BCL9L: variants seen among roughly 807,000 people sequenced by gnomAD.
The protein encoded by BCL9L is B-cell CLL/lymphoma 9-like protein.
BCL9L carries 19 observed loss-of-function variants against 99.4 expected under a neutral mutation model. That is an observed-to-expected ratio of 0.19 (90% confidence interval 0.13 to 0.28). The LOEUF is 0.28. Among genes scored for constraint, BCL9L ranks in the 10% least tolerant of loss-of-function variants. The pLI is 1.00. For synonymous variants in BCL9L, 900 were observed against 854.8 expected (o/e 1.05, Z -0.92); for missense variants, 2,023 against 2,101.6 (o/e 0.96, Z 0.73).
rs1168712056 is a variant in BCL9L, at chr11:118,901,304, A to G, written c.2439T>C (p.Ser813=). 1.2e-6 allele frequency: 2 copies of G among 1,613,658 alleles called. No homozygotes were observed. The highest frequency in any genetic ancestry group is 1.7e-6 in the Non-Finnish European group (2 of 1,179,882). The stretch of plus-strand genomic sequence containing the variant: ...CCCGAACCCGGGCCATCTCCTCAGG[A>G]CTGAGGCCCTGGGGCCCCATCAAGT... ...PGDLMGPQGL[S]PEEMARVRAQ... is the part of the protein sequence containing the mutation. The change falls in exon 8 of 10, where the codon AGT becomes AGC. Residue 813 remains serine, a synonymous_variant. Coordinates refer to ENST00000683865, the MANE Select transcript of BCL9L (RefSeq NM_001378213.1). This position sits in a 1 kb window ranked among gnomAD's most constrained non-coding sequence, Gnocchi z 6.6.
chr11:118,923,200 C>T (rs1252919108), intron 1 of BCL9L, among the ~76,000 whole-genome samples: 2 of 152,174 alleles, frequency 1.3e-5, no homozygotes, highest in East Asian at 3.9e-4. Flanking sequence ...ATCGCAGTCA[C>T]TCCCCTGATA....
rs2137721580 is a variant in BCL9L at position 118,908,409 on chromosome 11, G to A, written c.273C>T (p.Asn91=). 3 of 1,614,070 alleles carry A rather than the reference G, an allele frequency of 1.9e-6. No homozygotes were observed. The highest frequency in any genetic ancestry group is 4.5e-5 in the East Asian group (2 of 44,872). ...GAKANQISPS[N]SSLKNPQAGV... ...CTGCCTGGGGGTTCTTCAGACTTGA[G>A]TTGCTAGGCGAGATCTGGTTGGCCT... The change falls in exon 4 of 10, where the codon AAC becomes AAT. Residue 91 remains asparagine, a synonymous_variant. Transcript: ENST00000683865.
In BCL9L at chr11:118,903,897, T is replaced by C. The variant is rs1303805982; in HGVS notation, c.533-445A>G. ...ACTGGGTAAGTGTATGTGCACACAG[T>C]CTAGTGACCCAGTTAGGGAGAAGGC... is the stretch of plus-strand genomic sequence containing the variant. On this transcript the variant is annotated intron_variant, in intron 5 of 9. Transcript: ENST00000683865. This position sits in a 1 kb window ranked among gnomAD's most constrained non-coding sequence, Gnocchi z 5.6. 6.6e-6 allele frequency among the ~76,000 whole-genome samples: 1 copy of C among 152,144 alleles called. No homozygotes were observed. The highest frequency in any genetic ancestry group is 2.4e-5 in the African/African-American group (1 of 41,426).
In BCL9L at chr11:118,901,303, G is replaced by A; in HGVS notation, c.2440C>T (p.Pro814Ser). The change falls in exon 8 of 10, where the codon CCT (proline) becomes TCT (serine). Residue 814 changes from proline (P) to serine (S), a missense_variant. Pro to Ser is a moderately conservative substitution (Grantham distance 74). Transcript: ENST00000683865. The surrounding 1 kb of genome is among the most constrained non-coding windows in gnomAD (Gnocchi z 6.6). ...GDLMGPQGLS[P>S]EEMARVRAQN... ...GCCCGAACCCGGGCCATCTCCTCAGGACTGAGGCCCTGGGGCCCCATCAAG... is the reference window on the plus strand; with the variant it reads ...GCCCGAACCCGGGCCATCTCCTCAGAACTGAGGCCCTGGGGCCCCATCAAG... 1.2e-6 allele frequency: 2 copies of A among 1,613,854 alleles called. No individual in the cohort carries two copies. Among genetic ancestry groups the A allele is most frequent in the Non-Finnish European group, 1.7e-6 (2 of 1,179,972 alleles).
chr11:118,899,209 G>A lies in BCL9L; in HGVS notation c.3706C>T (p.His1236Tyr). Reference protein sequence around the residue: ...MPFPPRLQQPHGAMAPTGGGG... With the variant: ...MPFPPRLQQPYGAMAPTGGGG... ...CCCCCAGTGGGGGCCATGGCACCAT[G>A]GGGCTGCTGCAGCCGAGGGGGGAAG... is the stretch of plus-strand genomic sequence containing the variant. The change falls in exon 10 of 10, where the codon CAT (histidine) becomes TAT (tyrosine). Residue 1236 changes from histidine (H) to tyrosine (Y), a missense_variant. His to Tyr is a moderately conservative substitution (Grantham distance 83, BLOSUM62 2). This residue lies in a region of BCL9L where 902 missense variants were observed against 888.2 expected (regional missense o/e 1.02). Coordinates refer to ENST00000683865, the MANE Select transcript of BCL9L (RefSeq NM_001378213.1). The A allele has an allele frequency of 6.7e-7, 1 of 1,500,002 alleles. No homozygotes were observed. Among genetic ancestry groups the A allele is most frequent in the Non-Finnish European group, 8.9e-7 (1 of 1,125,002 alleles). The allele number at this position is 1,500,002 out of a possible 1,614,324, so 92.9% of individuals were successfully genotyped here.
chr11:118,898,718 C>A lies in BCL9L; in HGVS notation c.4197G>T (p.Leu1399Phe). The change falls in exon 10 of 10, where the codon TTG becomes TTT. Residue 1399 changes from leucine to phenylalanine, a missense_variant. Leu to Phe is a conservative substitution (Grantham distance 22). This residue lies in a region of BCL9L where 902 missense variants were observed against 888.2 expected (regional missense o/e 1.02). Coordinates refer to ENST00000683865, the MANE Select transcript of BCL9L (RefSeq NM_001378213.1). ...MSMCHPGQMS[L>F]LGRTGVPPQQ... ...GTGGGGGCACGCCTGTCCTGCCCAG[C>A]AAGGACATCTGTCCAGGGTGGCACA... 4.3e-6 allele frequency: 7 copies of A among 1,612,824 alleles called. No individual in the cohort carries two copies. Among genetic ancestry groups the A allele is most frequent in the Non-Finnish European group, 5.9e-6 (7 of 1,179,630 alleles).
At chr11:118,919,126 A>G (rs1233264471) in intron 1 of BCL9L, among the ~76,000 whole-genome samples, 1 of 14,418 alleles carries the variant, frequency 6.9e-5, no homozygotes, top group Non-Finnish European at 1.3e-4. Flanking sequence ...CCGACCCCCC[A>G]ACCCCCGCCC....
rs1940339861 is a variant in BCL9L, at chr11:118,902,942, AGGGGAC to A, written c.835-40_835-35del. 3 of 1,595,160 alleles carry A rather than the reference AGGGGAC, an allele frequency of 1.9e-6. No individual in the cohort carries two copies. Among genetic ancestry groups the A allele is most frequent in the Non-Finnish European group, 2.6e-6 (3 of 1,176,374 alleles). The stretch of plus-strand genomic sequence containing the variant: ...GGACAAAGAGAGCATGAGACAGGTA[AGGGGAC>A]GTTCCACCCAGTCCTGCTGCTCACA... On this transcript the variant is annotated intron_variant, in intron 7 of 9. Coordinates refer to ENST00000683865, the MANE Select transcript of BCL9L (RefSeq NM_001378213.1). This position sits in a 1 kb window ranked among gnomAD's most constrained non-coding sequence, Gnocchi z 7.8.
Position 118,921,322 on chromosome 11 carries a change from T to A in BCL9L, c.-130-2443A>T, listed in dbSNP as rs1941131080. On this transcript the variant is annotated intron_variant, in intron 1 of 9. Coordinates refer to ENST00000683865, the MANE Select transcript of BCL9L (RefSeq NM_001378213.1). The surrounding 1 kb of genome is among the most constrained non-coding windows in gnomAD (Gnocchi z 5.4). ...CGCAGCCATGTGCTAGCACACAAAC[T>A]CAGACACACAAACTTGCAGCGCAGA... Among the ~76,000 whole-genome samples the A allele has an allele frequency of 6.6e-6, 1 of 151,976 alleles. No homozygotes were observed. The highest frequency in any genetic ancestry group is 2.1e-4 in the South Asian group (1 of 4,826).
Position 118,902,551 on chromosome 11 carries a change from C to A in BCL9L, c.1192G>T (p.Gly398Cys), listed in dbSNP as rs201360979. 2.8e-5 allele frequency: 45 copies of A among 1,602,204 alleles called. No individual in the cohort carries two copies. The highest frequency in any genetic ancestry group is 1.6e-4 in the Middle Eastern group (1 of 6,080). The change falls in exon 8 of 10, where the codon GGC becomes TGC. Residue 398 changes from glycine to cysteine, a missense_variant. Coordinates refer to ENST00000683865, the MANE Select transcript of BCL9L (RefSeq NM_001378213.1). This position sits in a 1 kb window ranked among gnomAD's most constrained non-coding sequence, Gnocchi z 7.8. The part of the protein sequence containing the change: ...NGQRSLVGSE[G>C]LSKEQLEHRE... ...TGCTCCAGCTGCTCTTTGGACAAGC[C>A]CTCTGAGCCCACCAGGCTGCGCTGC...
intron 1 of BCL9L, among the ~76,000 whole-genome samples, chr11:118,923,661 T>C (rs921572110): frequency 6.6e-6 from 1 of 152,104 alleles, no homozygotes; most frequent in African/African-American, 2.4e-5. Flanking sequence ...ATTTTAGGTA[T>C]TCTACCTGCC....
In BCL9L at chr11:118,903,467, A is replaced by T. The variant is rs1181949427; in HGVS notation, c.533-15T>A. The T allele has an allele frequency of 1.9e-5, 30 of 1,612,338 alleles. No homozygotes were observed. Among genetic ancestry groups the T allele is most frequent in the Non-Finnish European group, 2.5e-5 (30 of 1,179,200 alleles). On this transcript the variant is annotated splice_polypyrimidine_tract_variant and intron_variant, in intron 5 of 9. Transcript: ENST00000683865. The surrounding 1 kb of genome is among the most constrained non-coding windows in gnomAD (Gnocchi z 5.6). ...TACATTACAATCTGCAGGAGAGAGG[A>T]CAGGGAAAGGGGCTAAGTGGTCTAG...
In BCL9L at chr11:118,903,948, C is replaced by T. The variant is rs1940398740; in HGVS notation, c.533-496G>A. On this transcript the variant is annotated intron_variant, in intron 5 of 9. Transcript: ENST00000683865. The surrounding 1 kb of genome is among the most constrained non-coding windows in gnomAD (Gnocchi z 5.6). ...AGAGAGGGTACACAAGCTGATGATC[C>T]AAATGATGGATGGTTTTTCACTCTA... Among the ~76,000 whole-genome samples, 1 of 152,138 alleles carries T rather than the reference C, an allele frequency of 6.6e-6. No individual in the cohort carries two copies. Among genetic ancestry groups the T allele is most frequent in the African/African-American group, 2.4e-5 (1 of 41,422 alleles).
chr11:118,902,969 TCA>T lies in BCL9L; in HGVS notation c.834+19_834+20del, dbSNP rs1285034084. 1.3e-6 allele frequency: 2 copies of T among 1,595,382 alleles called. No individual in the cohort carries two copies. Among genetic ancestry groups the T allele is most frequent in the Non-Finnish European group, 1.7e-6 (2 of 1,175,634 alleles). ...GGGACGTTCCACCCAGTCCTGCTGC[TCA>T]CAGAGGCGCCACGCTCACCTGGTCA... On this transcript the variant is annotated intron_variant, in intron 7 of 9. Transcript: ENST00000683865. The surrounding 1 kb of genome is among the most constrained non-coding windows in gnomAD (Gnocchi z 7.8).
chr11:118,902,448 T>C lies in BCL9L; in HGVS notation c.1295A>G (p.Lys432Arg). 6.3e-7 allele frequency: 1 copy of C among 1,599,816 alleles called. No homozygotes were observed. The highest frequency in any genetic ancestry group is 8.5e-7 in the Non-Finnish European group (1 of 1,173,448). The stretch of plus-strand genomic sequence containing the variant: ...CTCACCCGCTCCTCCTGGGGGCCCC[T>C]TGAGGAAGGGCTCAGTCTCTCCGCT... Reference protein sequence around the residue: ...LRSGETEPFLKGPPGGAGEGG... With the variant: ...LRSGETEPFLRGPPGGAGEGG... The change falls in exon 8 of 10, where the codon AAG becomes AGG. Residue 432 changes from lysine to arginine, a missense_variant. Physicochemically the swap from Lys to Arg is conservative, Grantham distance 26. Transcript: ENST00000683865. This position sits in a 1 kb window ranked among gnomAD's most constrained non-coding sequence, Gnocchi z 7.8.
At chr11:118,924,180 A>G (rs555661238) in intron 1 of BCL9L, among the ~76,000 whole-genome samples, 1 of 152,256 alleles carries the variant, frequency 6.6e-6, no homozygotes, top group Admixed American at 6.5e-5. Flanking sequence ...TACAGGGCAC[A>G]GTCAGCTTTC....
In BCL9L at chr11:118,903,716, C is replaced by T. The variant is rs567172622; in HGVS notation, c.533-264G>A. 6.6e-6 allele frequency among the ~76,000 whole-genome samples: 1 copy of T among 152,306 alleles called. No homozygotes were observed. Among genetic ancestry groups the T allele is most frequent in the East Asian group, 1.9e-4 (1 of 5,184 alleles). ...GGGGACTTAACAGGTGTGATTTCAT[C>T]TCATCAACACACCCTGGGAGGAACG... On this transcript the variant is annotated intron_variant, in intron 5 of 9. Transcript: ENST00000683865. The surrounding 1 kb of genome is among the most constrained non-coding windows in gnomAD (Gnocchi z 5.6).
chr11:118,900,083 G>A lies in BCL9L; in HGVS notation c.3240C>T (p.Ser1080=), dbSNP rs1591976311. The A allele has an allele frequency of 2.5e-6, 4 of 1,613,954 alleles. No individual in the cohort carries two copies. The highest frequency in any genetic ancestry group is 1.6e-4 in the Middle Eastern group (1 of 6,080). The change falls in exon 9 of 10, where the codon TCC becomes TCT. Residue 1080 remains serine, a synonymous_variant. Transcript: ENST00000683865. This position sits in a 1 kb window ranked among gnomAD's most constrained non-coding sequence, Gnocchi z 5.3. ...PFTSSPDPTP[S]QNPLSLMMTQ... is the part of the protein sequence containing the mutation. ...TCATCATCAGTGACAGGGGGTTCTGGGAAGGTGTGGGGTCTGGGGAGGAAG... is the reference window on the plus strand; with the variant it reads ...TCATCATCAGTGACAGGGGGTTCTGAGAAGGTGTGGGGTCTGGGGAGGAAG...
chr11:118,897,759 T>C lies in BCL9L; in HGVS notation c.*656A>G, dbSNP rs765842715. ...AGGGGGGAAGGGTTTCTTTTATCCT[T>C]TTTTTTTTGTGTGACTTCTATCAAA... On this transcript the variant is annotated 3_prime_UTR_variant, in exon 10 of 10. Coordinates refer to ENST00000683865, the MANE Select transcript of BCL9L (RefSeq NM_001378213.1). 1.1e-5 allele frequency: 5 copies of C among 447,978 alleles called. No individual in the cohort carries two copies. Among genetic ancestry groups the C allele is most frequent in the South Asian group, 7.9e-5 (5 of 63,234 alleles). The allele number at this position is 447,978 out of a possible 1,614,324, so 27.8% of individuals were successfully genotyped here. A position where few individuals can be genotyped will look rare whatever the true frequency, so the allele number is the denominator to read the frequency against.
Sources: allele counts gnomAD v4.1 joint callset (sites outside exome capture counted in the v4.1 genomes callset), GRCh38; gene constraint gnomAD v4.1.1; regional missense constraint gnomAD v4.1.1; non-coding constraint Gnocchi (gnomAD v3.1); transcripts MANE v1.5; gene names NCBI Gene and HGNC (gene_info 2026-07-23, HGNC 2026-07-21).